The following ANKRD55 variants were observed in gnomAD, a reference collection of about 807,000 sequenced individuals.
The protein encoded by ANKRD55 is ankyrin repeat domain 55.
ANKRD55 carries 41 observed loss-of-function variants against 60.6 expected under a neutral mutation model. The observed-to-expected ratio is 0.68, with a 90% confidence interval of 0.53 to 0.88. The LOEUF is 0.88. ANKRD55 is among the 40% of genes least tolerant of loss of function. ANKRD55 has a pLI of 0.00. For synonymous variants in ANKRD55, 264 were observed against 290.3 expected (o/e 0.91, Z 0.92); for missense variants, 732 against 767.6 (o/e 0.95, Z 0.55).
chr5:56,226,384 A>T (rs1760110440), intron 2 of ANKRD55, among the ~76,000 whole-genome samples: 1 of 152,260 alleles, frequency 6.6e-6, no homozygotes, highest in South Asian at 2.1e-4. Context: ...AAACCCTAGA[A>T]GAAAACCTAG....
intron 8 of ANKRD55, among the ~76,000 whole-genome samples, chr5:56,117,654 A>G (rs1281483486): frequency 6.6e-6 from 1 of 152,004 alleles, no homozygotes; most frequent in Non-Finnish European, 1.5e-5. Flanking sequence ...GGGTTTCACT[A>G]TGTTGGCCAG....
intron 2 of ANKRD55, chr5:56,193,039 GT>G: frequency 6.1e-6 from 6 of 976,056 alleles, no homozygotes; most frequent in Non-Finnish European, 6.0e-6. Context: ...ATGCTGATTG[GT>G]TTTTGAAAGC....
rs13162173 is a variant in ANKRD55, at chr5:56,112,510, A to C, written c.966-728T>G. On this transcript the variant is annotated intron_variant, in intron 9 of 11. Transcript: ENST00000341048. Reference sequence around the variant, plus strand: ...GGCAGGATCTCATCTCTAGCAAAAAAAAAAAAAAAAAACAACCAAGGAAAG... The same window carrying C: ...GGCAGGATCTCATCTCTAGCAAAAACAAAAAAAAAAAACAACCAAGGAAAG... Among the ~76,000 whole-genome samples, 19 of 138,092 alleles carry C rather than the reference A, an allele frequency of 1.4e-4. 1 individual carries two copies. Among genetic ancestry groups the C allele is most frequent in the African/African-American group, 3.1e-4 (12 of 38,744 alleles). 90.6% of individuals were successfully genotyped at this position (138,092 alleles called of 152,430 possible). A position where few individuals can be genotyped will look rare whatever the true frequency, so the allele number is the denominator to read the frequency against.
chr5:56,128,124 T>A (rs1266141231), intron 7 of ANKRD55, among the ~76,000 whole-genome samples: 1 of 152,204 alleles, frequency 6.6e-6, no homozygotes, highest in African/African-American at 2.4e-5. Flanking sequence ...AAGAGACACT[T>A]TTCTTTAAAA....
rs575315377 is a variant in ANKRD55 at position 56,190,354 on chromosome 5, T to C, written c.59-6720A>G. 1.8e-4 allele frequency among the ~76,000 whole-genome samples: 27 copies of C among 152,342 alleles called. No individual in the cohort carries two copies. In the South Asian group the frequency reaches 5.4e-3, roughly 30 times the overall value. ...TGTAGTCTAATTTGTTGATTTTTTC[T>C]TCTGTTGTCTGTGCATTTGATGTCA... On this transcript the variant is annotated intron_variant, in intron 2 of 11. Coordinates refer to ENST00000341048, the MANE Select transcript of ANKRD55 (RefSeq NM_024669.3).
intron 6 of ANKRD55, among the ~76,000 whole-genome samples, chr5:56,153,718 T>A (rs888481209): frequency 6.6e-6 from 1 of 151,726 alleles, no homozygotes; most frequent in African/African-American, 2.4e-5. Flanking sequence ...GTGCCTGTAA[T>A]CCCAGCTACT....
intron 2 of ANKRD55, among the ~76,000 whole-genome samples, chr5:56,199,014 A>G (rs781111128): frequency 6.6e-5 from 10 of 152,094 alleles, no homozygotes; most frequent in Non-Finnish European, 1.0e-4. Context: ...CGGGTGGCAG[A>G]GCTTGCAGTG....
At chr5:56,104,054 C>T (rs72767204) in intron 10 of ANKRD55, among the ~76,000 whole-genome samples, 1 of 152,054 alleles carries the variant, frequency 6.6e-6, no homozygotes. Context: ...AGAAAATATT[C>T]CTGTGTAGAA....
At chr5:56,101,406 GTGTGTT>G (rs1756269598) in intron 11 of ANKRD55, among the ~76,000 whole-genome samples, 1 of 145,340 alleles carries the variant, frequency 6.9e-6, no homozygotes, top group Admixed American at 6.8e-5. Flanking sequence ...CTGTGTGTGT[GTGTGTT>G]TGTCTGTGAT....
At chr5:56,101,877 C>T (rs1457621929) in intron 11 of ANKRD55, among the ~76,000 whole-genome samples, 1 of 151,424 alleles carries the variant, frequency 6.6e-6, no homozygotes, top group African/African-American at 2.4e-5. Flanking sequence ...TATCAGGAGG[C>T]CAGTCTTAAA....
chr5:56,143,396 T>G (rs1408804955), intron 7 of ANKRD55, among the ~76,000 whole-genome samples: 1 of 152,142 alleles, frequency 6.6e-6, no homozygotes, highest in Non-Finnish European at 1.5e-5. Flanking sequence ...ACTTTCACTG[T>G]CGGGTGTAGA....
chr5:56,151,409 G>T (rs1210998250), intron 6 of ANKRD55, among the ~76,000 whole-genome samples: 1 of 151,992 alleles, frequency 6.6e-6, no homozygotes, highest in Non-Finnish European at 1.5e-5. Flanking sequence ...GAAATAAATT[G>T]GATAGCTGAG....
rs906844926 is a variant in ANKRD55, at chr5:56,111,930, C to T, written c.966-148G>A. 7 of 719,584 alleles carry T rather than the reference C, an allele frequency of 9.7e-6. No individual in the cohort carries two copies. In the Admixed American group the frequency reaches 2.6e-4, roughly 27 times the overall value. 44.6% of individuals were successfully genotyped at this position (719,584 alleles called of 1,614,324 possible). On this transcript the variant is annotated intron_variant, in intron 9 of 11. Coordinates refer to ENST00000341048, the MANE Select transcript of ANKRD55 (RefSeq NM_024669.3). ...CTCCAAAGCCTTCTCAAGTTAAAGG[C>T]AGTGTGAAGAACTCACAGTACCCCT...
chr5:56,198,063 A>G (rs1157655175), intron 2 of ANKRD55, among the ~76,000 whole-genome samples: 1 of 152,096 alleles, frequency 6.6e-6, no homozygotes, highest in Non-Finnish European at 1.5e-5. Flanking sequence ...TTGTTTTATT[A>G]CTAATTCCCA....
chr5:56,222,351 C>A (rs1759988886), intron 2 of ANKRD55, among the ~76,000 whole-genome samples: 1 of 152,116 alleles, frequency 6.6e-6, no homozygotes, highest in South Asian at 2.1e-4. Flanking sequence ...CTGTATGTCA[C>A]CATCATCAAA....
At chr5:56,155,377 A>G (rs776296777) in intron 6 of ANKRD55, among the ~76,000 whole-genome samples, 13 of 151,980 alleles carry the variant, frequency 8.6e-5, no homozygotes, top group Admixed American at 2.0e-4. Context: ...AGGGAAACAG[A>G]ACAACAGAGA....
At chr5:56,183,402 T>C in intron 3 of ANKRD55, 110 bp downstream of exon 3, 1 of 1,393,736 alleles carries the variant, frequency 7.2e-7, no homozygotes, top group Non-Finnish European at 9.8e-7. Flanking sequence ...ATAGGCACAG[T>C]ATCAAAATGG....
intron 6 of ANKRD55, among the ~76,000 whole-genome samples, chr5:56,153,149 G>T (rs969802300): frequency 3.3e-5 from 5 of 151,684 alleles, no homozygotes; most frequent in African/African-American, 1.2e-4. Flanking sequence ...CACAAAAGAA[G>T]ATATAATAAA....
At chr5:56,210,560 CAAA>C (rs59566826) in intron 2 of ANKRD55, among the ~76,000 whole-genome samples, 16,119 of 63,618 alleles carry the variant, frequency 0.25, 520 homozygotes, top group East Asian at 0.39. Flanking sequence ...GACTACGTCT[CAAA>C]AAAAAAAAAA....
Sources: gnomAD v4.1 joint callset for allele counts (sites outside exome capture counted in the v4.1 genomes callset) on GRCh38, gnomAD v4.1.1 for gene constraint, MANE v1.5 for transcripts, NCBI Gene and HGNC (gene_info 2026-07-23, HGNC 2026-07-21) for gene names.